The following VPS37A variants were observed in gnomAD, a reference collection of about 807,000 sequenced individuals.
The protein encoded by VPS37A is VPS37A subunit of ESCRT-I, also known as vacuolar protein sorting-associated protein 37A.
VPS37A carries 30 observed loss-of-function variants against 49.8 expected under a neutral mutation model. The observed-to-expected ratio is 0.60, with a 90% CI of 0.45 to 0.82. VPS37A has a LOEUF of 0.82. VPS37A is among the 40% of genes least tolerant of loss of function. The pLI is 0.00. For missense variants in VPS37A, 593 were observed against 464.4 expected (o/e 1.28, Z -2.55); for synonymous variants, 195 against 160.6 (o/e 1.21, Z -1.62).
intron 1 of VPS37A, among the ~76,000 whole-genome samples, chr8:17,253,889 T>G (rs557863205): frequency 2.2e-4 from 34 of 152,328 alleles, no homozygotes; most frequent in South Asian, 1.4e-3. Flanking sequence ...AGCTATAGTA[T>G]GAAGGATTTT....
At chr8:17,248,349 C>T in intron 1 of VPS37A, 1 of 454,874 alleles carries the variant, frequency 2.2e-6, no homozygotes. Context: ...ACTGCAACCT[C>T]CGTCTCCCGG....
chr8:17,295,770 T>C lies in VPS37A; in HGVS notation c.*784T>C, dbSNP rs1816577010. ...TTCCTAATGTTAAAAACAATCTTTA[T>C]GTTAATATACACTAAATCTATACAC... is the stretch of plus-strand genomic sequence containing the variant. On this transcript the variant is annotated 3_prime_UTR_variant, in exon 12 of 12. Coordinates refer to ENST00000324849, the MANE Select transcript of VPS37A (RefSeq NM_152415.3). 6.6e-6 allele frequency: 1 copy of C among 152,220 alleles called. No homozygotes were observed. The highest frequency in any genetic ancestry group is 2.1e-4 in the South Asian group (1 of 4,830). The allele number at this position is 152,220 out of a possible 1,614,324, so 9.4% of individuals were successfully genotyped here. A position where few individuals can be genotyped will look rare whatever the true frequency, so the allele number is the denominator to read the frequency against.
At chr8:17,291,432 T>A (rs1275012728) in intron 11 of VPS37A, among the ~76,000 whole-genome samples, 3 of 88,870 alleles carry the variant, frequency 3.4e-5, no homozygotes, top group Non-Finnish European at 7.8e-5. Flanking sequence ...ATTCATTGAT[T>A]TTTTTTTTTT....
At chr8:17,288,800 C>G (rs953617430) in intron 11 of VPS37A, among the ~76,000 whole-genome samples, 3 of 152,178 alleles carry the variant, frequency 2.0e-5, no homozygotes, top group South Asian at 2.1e-4. Flanking sequence ...CCACACTGGT[C>G]TTCCATAATG....
chr8:17,284,490 C>T lies in VPS37A; in HGVS notation c.987C>T (p.Ala329=). The change falls in exon 10 of 12, where the codon GCC becomes GCT. Residue 329 remains alanine, a synonymous_variant. Coordinates refer to ENST00000324849, the MANE Select transcript of VPS37A (RefSeq NM_152415.3). The stretch of plus-strand genomic sequence containing the variant: ...TTTTTCAGAGCTGTAGTGCAAGTGC[C>T]CTTCAGGCAAGATTGAAAGTAGCTG... ...HELSESCSAS[A]LQARLKVAAH... 6.3e-7 allele frequency: 1 copy of T among 1,586,582 alleles called. No individual in the cohort carries two copies. Among genetic ancestry groups the T allele is most frequent in the Non-Finnish European group, 8.5e-7 (1 of 1,172,126 alleles).
At chr8:17,301,251 G>A (rs1464660086), downstream of VPS37A, among the ~76,000 whole-genome samples, 3 of 152,190 alleles carry the variant, frequency 2.0e-5, no homozygotes, top group African/African-American at 7.2e-5. Context: ...TTCATGCAAT[G>A]TAAGAATTTC....
At chr8:17,270,765 T>G (rs1813901256) in intron 4 of VPS37A, among the ~76,000 whole-genome samples, 1 of 152,146 alleles carries the variant, frequency 6.6e-6, no homozygotes, top group African/African-American at 2.4e-5. Flanking sequence ...TTCACCTCTT[T>G]CCTATAGGTG....
downstream of VPS37A, among the ~76,000 whole-genome samples, chr8:17,306,686 G>C (rs1375399936): frequency 6.6e-6 from 1 of 152,162 alleles, no homozygotes; most frequent in African/African-American, 2.4e-5. Context: ...GTGTTAGTAA[G>C]AGATCATCAC....
chr8:17,303,295 G>T (rs76042047), downstream of VPS37A, among the ~76,000 whole-genome samples: 2,944 of 152,132 alleles, frequency 0.019, 102 homozygotes, highest in African/African-American at 0.067. Flanking sequence ...GGAGGCTTTT[G>T]TTTAGTATGA....
intron 11 of VPS37A, among the ~76,000 whole-genome samples, chr8:17,293,877 G>C (rs539577360): frequency 2.6e-5 from 4 of 152,324 alleles, no homozygotes; most frequent in African/African-American, 7.2e-5. Flanking sequence ...TCCTGTATGA[G>C]CTGTCTGTCA....
chr8:17,270,708 A>G (rs900385747), intron 4 of VPS37A, among the ~76,000 whole-genome samples: 3 of 152,160 alleles, frequency 2.0e-5, no homozygotes, highest in Non-Finnish European at 4.4e-5. Context: ...GGTTGTGGCC[A>G]TTTTGGAATA....
rs1437266360 is a variant in VPS37A at position 17,280,361 on chromosome 8, A to G, written c.901-14A>G. ...AAAAATAGAATAAAACAACCTTTTC[A>G]TTTTCTCTTTTAGTATGAATTACTT... On this transcript the variant is annotated splice_polypyrimidine_tract_variant and intron_variant, in intron 8 of 11. Transcript: ENST00000324849. 4.4e-6 allele frequency: 7 copies of G among 1,603,210 alleles called. No homozygotes were observed. The highest frequency in any genetic ancestry group is 5.1e-6 in the Non-Finnish European group (6 of 1,176,828).
At chr8:17,283,017 A>C (rs181195170) in intron 9 of VPS37A, among the ~76,000 whole-genome samples, 22 of 152,304 alleles carry the variant, frequency 1.4e-4, no homozygotes, top group African/African-American at 4.1e-4. Context: ...CTTTACTGTA[A>C]TTTTTTAAAA....
At chr8:17,324,081 T>C in the VPS37A span, among the ~76,000 whole-genome samples, 1 of 152,196 alleles carries the variant, frequency 6.6e-6, no homozygotes, top group Non-Finnish European at 1.5e-5. Flanking sequence ...AGTTAAAACA[T>C]TCAATGTGAC....
In VPS37A at chr8:17,247,232, G is replaced by A. The variant is rs969137836; in HGVS notation, c.-13G>A. 1.6e-5 allele frequency: 25 copies of A among 1,566,072 alleles called. No individual in the cohort carries two copies. In the African/African-American group the frequency reaches 3.0e-4, roughly 19 times the overall value. On this transcript the variant is annotated 5_prime_UTR_variant, in exon 1 of 12. Coordinates refer to ENST00000324849, the MANE Select transcript of VPS37A (RefSeq NM_152415.3). ...GAGCCTTCCAGGGCCTCCGGCCCGT[G>A]GACCCGAGGAGGATGAGCTGGCTTT...
At chr8:17,299,743 C>T, downstream of VPS37A, 3 of 1,404,882 alleles carry the variant, frequency 2.1e-6, no homozygotes, top group Non-Finnish European at 2.9e-6. Context: ...TTCATAGCTG[C>T]ATTAAAGTAG....
At chr8:17,281,742 C>T (rs892172098) in intron 9 of VPS37A, among the ~76,000 whole-genome samples, 16 of 152,050 alleles carry the variant, frequency 1.1e-4, no homozygotes, top group African/African-American at 3.9e-4. Context: ...GAAATTTTTT[C>T]CTGTTTGCTC....
At chr8:17,253,744 A>G (rs1812184491) in intron 1 of VPS37A, among the ~76,000 whole-genome samples, 1 of 152,138 alleles carries the variant, frequency 6.6e-6, no homozygotes, top group African/African-American at 2.4e-5. Context: ...CATCTCAGTC[A>G]TTATCATGTG....
chr8:17,300,166 C>A, downstream of VPS37A: 1 of 1,614,102 alleles, frequency 6.2e-7, no homozygotes, highest in Non-Finnish European at 8.5e-7. Flanking sequence ...GCTGGGCTCA[C>A]TTTGCTTACT....
Sources: allele counts gnomAD v4.1 joint callset (sites outside exome capture counted in the v4.1 genomes callset), GRCh38; gene constraint gnomAD v4.1.1; transcripts MANE v1.5; gene names NCBI Gene and HGNC (gene_info 2026-07-23, HGNC 2026-07-21).